The following CERKL variants were observed in gnomAD, a reference collection of about 807,000 sequenced individuals.
CERKL encodes the protein CERK like autophagy regulator, also known as ceramide kinase-like protein.
Under a neutral mutation model 63.4 loss-of-function variants are expected in CERKL, and 61 were observed. The observed-to-expected ratio is 0.96, with a 90% CI of 0.78 to 1.19. The LOEUF (loss-of-function observed/expected upper bound fraction) is 1.19, where lower values mean the gene tolerates loss of function less well. Ranked by LOEUF, CERKL falls within the 50% of genes most tolerant of loss-of-function variation. CERKL has a pLI of 0.00. For synonymous variants in CERKL, 250 were observed against 230.5 expected, an observed-to-expected ratio of 1.08 and a Z score of -0.77; for missense variants, 675 against 655.5, an observed-to-expected ratio of 1.03 and a Z score of -0.33.
At chr2:181,568,715 A>G (rs1187786675) in intron 3 of CERKL, among the ~76,000 whole-genome samples, 1 of 139,252 alleles carries the variant, frequency 7.2e-6, no homozygotes, top group African/African-American at 2.7e-5. Context: ...TTTAAGTTTT[A>G]GGGTACATGT....
intron 1 of CERKL, among the ~76,000 whole-genome samples, chr2:181,622,856 AGAG>A (rs1255260189): frequency 2.6e-5 from 4 of 152,194 alleles, no homozygotes; most frequent in African/African-American, 9.6e-5. Flanking sequence ...AAAGCTCTGA[AGAG>A]GAGGAAAATG....
At chr2:181,654,186 C>T (rs1185016618) in intron 1 of CERKL, among the ~76,000 whole-genome samples, 1 of 151,140 alleles carries the variant, frequency 6.6e-6, no homozygotes, top group African/African-American at 2.4e-5. Flanking sequence ...CCCCAAAAAG[C>T]GCTGATACTT....
At chr2:181,569,056 C>T (rs192202842) in intron 3 of CERKL, among the ~76,000 whole-genome samples, 16 of 152,120 alleles carry the variant, frequency 1.1e-4, no homozygotes, top group Non-Finnish European at 1.5e-5. Flanking sequence ...ACCTCTCCCC[C>T]ACTCTAGCCA....
chr2:181,627,850 A>G (rs952217886), intron 1 of CERKL, among the ~76,000 whole-genome samples: 3 of 152,228 alleles, frequency 2.0e-5, no homozygotes, highest in African/African-American at 7.2e-5. Flanking sequence ...TGCCACTCTT[A>G]TTAGTCACCA....
intron 1 of CERKL, among the ~76,000 whole-genome samples, chr2:181,641,530 A>C (rs956439613): frequency 2.0e-5 from 3 of 151,860 alleles, no homozygotes; most frequent in Non-Finnish European, 4.4e-5. Flanking sequence ...GAAATCTCTA[A>C]ACTCAGTTGC....
chr2:181,609,533 T>TAAAAAAAAAAAAAAAAAAAAAA (rs869037405), intron 1 of CERKL, among the ~76,000 whole-genome samples: 6 of 70,230 alleles, frequency 8.5e-5, no homozygotes, highest in African/African-American at 1.9e-4. Flanking sequence ...CTGTCTCTAC[T>TAAAAAAAAAAAAAAAAAAAAAA]AAAAAAAAAA....
intron 1 of CERKL, 127 bp downstream of exon 1, chr2:181,656,642 A>G: frequency 1.2e-6 from 1 of 818,826 alleles, no homozygotes; most frequent in South Asian, 1.9e-5. Context: ...CCGGGCAGTG[A>G]GGCGAGCACG....
intron 11 of CERKL, among the ~76,000 whole-genome samples, chr2:181,541,829 C>G (rs1687517799): frequency 6.6e-6 from 1 of 152,154 alleles, no homozygotes; most frequent in South Asian, 2.1e-4. Context: ...GAAAGTGGTG[C>G]CATTGACCCG....
In CERKL at chr2:181,538,239, T is replaced by C. The variant is rs755313231; in HGVS notation, c.1544A>G (p.His515Arg). ...EVASEVHIRL[H>R]PRLISLYGGS... ...TCCATAAAGACTGATAAGTCTTGGA[T>C]GCAATCTGTAAAGAAAATACATTAT... is the stretch of plus-strand genomic sequence containing the variant. The change falls in exon 13 of 13, where the codon CAT becomes CGT. Residue 515 changes from histidine to arginine, a missense_variant. By Grantham distance (29) the His-to-Arg change is conservative. Coordinates refer to ENST00000410087, the MANE Select transcript of CERKL (RefSeq NM_201548.5). 6.4e-7 allele frequency: 1 copy of C among 1,573,286 alleles called. No individual in the cohort carries two copies. The highest frequency in any genetic ancestry group is 1.1e-5 in the South Asian group (1 of 90,166).
At chr2:181,560,554 C>A (rs993454032) in intron 4 of CERKL, among the ~76,000 whole-genome samples, 1 of 152,070 alleles carries the variant, frequency 6.6e-6, no homozygotes, top group Admixed American at 6.6e-5. Context: ...TTCCTAAGCA[C>A]TCTCCATGTA....
intron 1 of CERKL, among the ~76,000 whole-genome samples, chr2:181,635,477 T>C (rs1479521368): frequency 6.6e-6 from 1 of 152,172 alleles, no homozygotes; most frequent in Non-Finnish European, 1.5e-5. Flanking sequence ...AAATGTATTA[T>C]GTTCACCAAG....
At chr2:181,631,204 A>G (rs1166044600) in intron 1 of CERKL, among the ~76,000 whole-genome samples, 1 of 152,150 alleles carries the variant, frequency 6.6e-6, no homozygotes, top group Non-Finnish European at 1.5e-5. Flanking sequence ...AGTCTTCTAT[A>G]TTTTTACTCC....
chr2:181,609,141 A>G (rs1685847049), intron 1 of CERKL, among the ~76,000 whole-genome samples: 1 of 152,014 alleles, frequency 6.6e-6, no homozygotes, highest in African/African-American at 2.4e-5. Flanking sequence ...GTTTCAGGGT[A>G]CATGTGCACA....
intron 2 of CERKL, among the ~76,000 whole-genome samples, chr2:181,578,869 A>G (rs1182476111): frequency 6.6e-6 from 1 of 152,028 alleles, no homozygotes; most frequent in African/African-American, 2.4e-5. Context: ...ACTGCAAATA[A>G]CAATGCAATG....
intron 4 of CERKL, among the ~76,000 whole-genome samples, chr2:181,563,080 T>A (rs1038533504): frequency 6.6e-6 from 1 of 152,144 alleles, no homozygotes; most frequent in East Asian, 1.9e-4. Context: ...CTCACACTTA[T>A]AAATGCAAGT....
intron 1 of CERKL, among the ~76,000 whole-genome samples, chr2:181,651,089 TCAAC>T (rs1346485214): frequency 1.3e-5 from 2 of 152,180 alleles, no homozygotes; most frequent in African/African-American, 2.4e-5. Flanking sequence ...ACTGCTGAAC[TCAAC>T]CAAACATTTA....
rs1688302344 is a variant in CERKL, at chr2:181,558,516, G to T, written c.820+50C>A. ...GCTGTCTAGATTAGCAAGTAAGAAA[G>T]GAAAAGAGGGAGAAGGGTCAGTTTA... On this transcript the variant is annotated intron_variant, in intron 5 of 12. Coordinates refer to ENST00000410087, the MANE Select transcript of CERKL (RefSeq NM_201548.5). This position sits in a 1 kb window ranked among gnomAD's most constrained non-coding sequence, Gnocchi z 4.2. 6.3e-7 allele frequency: 1 copy of T among 1,596,494 alleles called. No homozygotes were observed.
At chr2:181,592,343 A>G (rs991382369) in intron 2 of CERKL, among the ~76,000 whole-genome samples, 1 of 152,230 alleles carries the variant, frequency 6.6e-6, no homozygotes, top group Non-Finnish European at 1.5e-5. Flanking sequence ...GGTATCAACT[A>G]TATAACTAAT....
At chr2:181,581,819 C>A (rs1220162827) in intron 2 of CERKL, among the ~76,000 whole-genome samples, 8 of 152,172 alleles carry the variant, frequency 5.3e-5, no homozygotes, top group Admixed American at 2.6e-4. Context: ...GCAATTCAAT[C>A]AACCTTGGTA....
Sources: gnomAD v4.1 joint callset for allele counts (sites outside exome capture counted in the v4.1 genomes callset) on GRCh38, gnomAD v4.1.1 for gene constraint, Gnocchi (gnomAD v3.1) non-coding constraint, MANE v1.5 for transcripts, NCBI Gene and HGNC (gene_info 2026-07-23, HGNC 2026-07-21) for gene names.